Variants in NBN observed in about 807,000 individuals in gnomAD.
The protein encoded by NBN is Nijmegen breakage syndrome 1 (nibrin).
NBN carries 88 observed loss-of-function variants against 90.8 expected under a neutral mutation model. The observed-to-expected ratio is 0.97, with a 90% CI of 0.82 to 1.16. NBN has a LOEUF of 1.16. Among genes scored for constraint, NBN ranks in the 50% most tolerant of loss-of-function variants. NBN has a pLI of 0.00. For synonymous variants in NBN, 328 were observed against 295.1 expected (o/e 1.11, Z -1.14); for missense variants, 894 against 869.6 (o/e 1.03, Z -0.35).
Position 89,933,498 on chromosome 8 carries a change from T to C in NBN, c.*2084A>G, listed in dbSNP as rs1425145532. ...CAGATCCACCATTATGGTTAATTGA[T>C]TTTTTACTAATTGGCAAGGTAATTT... On this transcript the variant is annotated 3_prime_UTR_variant, in exon 16 of 16. Coordinates refer to ENST00000265433, the MANE Select transcript of NBN (RefSeq NM_002485.5). 1 of 230,328 alleles carries C rather than the reference T, an allele frequency of 4.3e-6. No homozygotes were observed. Among genetic ancestry groups the C allele is most frequent in the African/African-American group, 2.2e-5 (1 of 45,136 alleles). 14.3% of individuals were successfully genotyped at this position (230,328 alleles called of 1,614,324 possible).
chr8:89,955,349 T>G lies in NBN; in HGVS notation c.1331A>C (p.Asp444Ala), dbSNP rs1237800234. ...GGTCTGCTGCTGCTGAGAAGCCCTA[T>G]CTTTACTTTTATTTATACTTGGCAA... ...TKLPSINKSKDRASQQQQTNS... is the reference protein window; with the variant it reads ...TKLPSINKSKARASQQQQTNS... The change falls in exon 10 of 16, where the codon GAT (aspartate) becomes GCT (alanine). Residue 444 changes from aspartate to alanine, a missense_variant. Asp to Ala is a moderately radical substitution (Grantham distance 126, BLOSUM62 -2). Coordinates refer to ENST00000265433, the MANE Select transcript of NBN (RefSeq NM_002485.5). The G allele has an allele frequency of 6.2e-7, 1 of 1,613,838 alleles. No individual in the cohort carries two copies. The highest frequency in any genetic ancestry group is 8.5e-7 in the Non-Finnish European group (1 of 1,179,806).
At chr8:89,959,447 G>A (rs888732506) in intron 8 of NBN, among the ~76,000 whole-genome samples, 2 of 151,994 alleles carry the variant, frequency 1.3e-5, no homozygotes, top group African/African-American at 2.4e-5. Context: ...ATACCACCAC[G>A]CAAATCATTC....
At position 89,937,250 on chromosome 8, in the gene NBN, T is replaced by G. The variant is rs1809735167; in HGVS notation, c.2185-175A>C. 3 of 621,404 alleles carry G rather than the reference T, an allele frequency of 4.8e-6. No individual in the cohort carries two copies. In the East Asian group the frequency reaches 8.4e-5, roughly 17 times the overall value. 38.5% of individuals were successfully genotyped at this position (621,404 alleles called of 1,614,324 possible). ...ACTGATCCTCTATATTTTCAATCCA[T>G]GCTAAGATTATTACAAAAGAGCTCT... On this transcript the variant is annotated intron_variant, in intron 14 of 15. Transcript: ENST00000265433.
chr8:89,970,790 T>C lies in NBN; in HGVS notation c.703-233A>G, dbSNP rs1238452224. ...ACACTTCCTAACAGCACTCTAACTGTGGGCTTATCTGCATTTCTCCACTAC... is the reference window on the plus strand; with the variant it reads ...ACACTTCCTAACAGCACTCTAACTGCGGGCTTATCTGCATTTCTCCACTAC... On this transcript the variant is annotated intron_variant, in intron 6 of 15. Coordinates refer to ENST00000265433, the MANE Select transcript of NBN (RefSeq NM_002485.5). 2.0e-5 allele frequency among the ~76,000 whole-genome samples: 3 copies of C among 152,152 alleles called. No homozygotes were observed. In the East Asian group the frequency reaches 5.8e-4, roughly 29 times the overall value.
At chr8:89,975,849 G>A (rs769543361) in intron 5 of NBN, among the ~76,000 whole-genome samples, 1 of 152,156 alleles carries the variant, frequency 6.6e-6, no homozygotes, top group Non-Finnish European at 1.5e-5. Context: ...CTAGAATTAA[G>A]AATAGCTCAC....
chr8:89,967,494 ATG>A, intron 7 of NBN, among the ~76,000 whole-genome samples: 1 of 152,322 alleles, frequency 6.6e-6, no homozygotes, highest in South Asian at 2.1e-4. Context: ...AACAAAATAA[ATG>A]TGTATTACGC....
At chr8:89,956,979 T>A (rs534487071) in intron 9 of NBN, among the ~76,000 whole-genome samples, 19 of 152,222 alleles carry the variant, frequency 1.2e-4, no homozygotes, top group Non-Finnish European at 2.8e-4. Flanking sequence ...TATAAAAGTA[T>A]AGCACAACAG....
chr8:89,943,492 A>C (rs879940268), intron 13 of NBN, 126 bp from the exon 14 acceptor site: 10 of 1,008,148 alleles, frequency 9.9e-6, no homozygotes, highest in Non-Finnish European at 1.5e-5. Context: ...TATTCTACAA[A>C]TAAAAGTGAG....
chr8:89,936,488 T>G (rs888020877), intron 15 of NBN, among the ~76,000 whole-genome samples: 3 of 152,130 alleles, frequency 2.0e-5, no homozygotes, highest in African/African-American at 7.2e-5. Flanking sequence ...ACCTATAATA[T>G]AGTATTTTAT....
intron 3 of NBN, 47 bp downstream of exon 3, chr8:89,981,328 G>C: frequency 6.5e-7 from 1 of 1,550,046 alleles, no homozygotes. Flanking sequence ...TTAGGATTTG[G>C]CTGAAACAAA....
chr8:89,958,549 C>A (rs149779703), intron 9 of NBN, among the ~76,000 whole-genome samples, 176 bp downstream of exon 9: 1 of 152,296 alleles, frequency 6.6e-6, no homozygotes, highest in Non-Finnish European at 1.5e-5. Flanking sequence ...TAACTACTCG[C>A]CGCTCCTTTA....
In NBN at chr8:89,953,463, T is replaced by C. The variant is rs1563526123; in HGVS notation, c.1626A>G (p.Ala542=). ...VKNSASKSHA[A]EKLRSNKKRE... ...TTTTTTTATTTGATCTTAGCTTTTC[T>C]GCAGCATGAGATTTACTGGCAGAAT... Residue 542 remains alanine (A), a synonymous_variant, in exon 11 of 16, where the codon GCA becomes GCG. Coordinates refer to ENST00000265433, the MANE Select transcript of NBN (RefSeq NM_002485.5). 2 of 1,613,872 alleles carry C rather than the reference T, an allele frequency of 1.2e-6. No homozygotes were observed. Among genetic ancestry groups the C allele is most frequent in the East Asian group, 2.2e-5 (1 of 44,850 alleles).
rs984816682 is a variant in NBN, at chr8:89,937,185, TCAC to T, written c.2185-113_2185-111del. The T allele has an allele frequency of 2.9e-5, 27 of 944,186 alleles. No homozygotes were observed. In the East Asian group the frequency reaches 3.3e-4, roughly 12 times the overall value. 58.5% of individuals were successfully genotyped at this position (944,186 alleles called of 1,614,324 possible). A position where few individuals can be genotyped will look rare whatever the true frequency, so the allele number is the denominator to read the frequency against. Reference sequence around the variant, plus strand: ...CTTAGAGATTTCCACATCCTGGAGGTCACCACATCTGAGTTCTTGCCTCTACAA... The same window carrying T: ...CTTAGAGATTTCCACATCCTGGAGGTCACATCTGAGTTCTTGCCTCTACAA... On this transcript the variant is annotated intron_variant, in intron 14 of 15. Coordinates refer to ENST00000265433, the MANE Select transcript of NBN (RefSeq NM_002485.5).
intron 9 of NBN, among the ~76,000 whole-genome samples, chr8:89,955,865 C>T (rs1810690479): frequency 6.6e-6 from 1 of 151,970 alleles, no homozygotes; most frequent in South Asian, 2.1e-4. Context: ...AGGTGATAAT[C>T]CTAGGCAATT....
chr8:89,971,034 C>G (rs183354626), intron 6 of NBN, 139 bp downstream of exon 6: 1 of 856,016 alleles, frequency 1.2e-6, no homozygotes, highest in African/African-American at 1.7e-5. Context: ...AGGTCTGGTG[C>G]CTGGGGTTTT....
intron 5 of NBN, among the ~76,000 whole-genome samples, chr8:89,976,608 G>A (rs373453078): frequency 2.6e-5 from 4 of 152,122 alleles, no homozygotes; most frequent in East Asian, 1.9e-4. Context: ...ACAGCTAGTC[G>A]GGACCGCGGC....
At chr8:89,979,105 G>A (rs1381884198) in intron 4 of NBN, among the ~76,000 whole-genome samples, 1 of 151,990 alleles carries the variant, frequency 6.6e-6, no homozygotes, top group Non-Finnish European at 1.5e-5. Context: ...AGCCTCCTGA[G>A]TAGCTGGGAC....
Position 89,982,866 on chromosome 8 carries a change from T to C in NBN, c.38-11A>G, listed in dbSNP as rs770165601. 2 of 1,602,430 alleles carry C rather than the reference T, an allele frequency of 1.2e-6. No individual in the cohort carries two copies. The highest frequency in any genetic ancestry group is 1.7e-6 in the Non-Finnish European group (2 of 1,170,894). ...GTCTGTATGGTTCTCCTGAGATAAA[T>C]TTTTTTTTAAAAAAAGATAAGTTGA... is the stretch of plus-strand genomic sequence containing the variant. On this transcript the variant is annotated splice_polypyrimidine_tract_variant and intron_variant, in intron 1 of 15. Coordinates refer to ENST00000265433, the MANE Select transcript of NBN (RefSeq NM_002485.5).
intron 9 of NBN, among the ~76,000 whole-genome samples, chr8:89,955,892 A>T (rs1810691700): frequency 6.6e-6 from 1 of 152,032 alleles, no homozygotes; most frequent in South Asian, 2.1e-4. Flanking sequence ...TTGTTTAAAA[A>T]TTTTAAATTA....
Sources: gnomAD v4.1 joint callset for allele counts (sites outside exome capture counted in the v4.1 genomes callset) on GRCh38, gnomAD v4.1.1 for gene constraint, MANE v1.5 for transcripts, NCBI Gene and HGNC (gene_info 2026-07-23, HGNC 2026-07-21) for gene names.